AFF1: variants seen among roughly 807,000 people sequenced by gnomAD.
AFF1 encodes ALF transcription elongation factor 1, also known as AF4/FMR2 family member 1.
In AFF1, 48 loss-of-function variants were observed where a neutral mutation model predicts 121.7. That is an observed-to-expected ratio of 0.39 (90% CI 0.31 to 0.50). AFF1 has a LOEUF of 0.50. Among genes scored for constraint, AFF1 ranks in the 20% least tolerant of loss-of-function variants. AFF1 has a pLI of 0.76. For missense variants in AFF1, 1,523 were observed against 1,511.7 expected (o/e 1.01, Z -0.12); for synonymous variants, 613 against 563.0 (o/e 1.09, Z -1.26).
At chr4:86,960,577 C>CT (rs1722078211) in intron 2 of AFF1, among the ~76,000 whole-genome samples, 1 of 152,170 alleles carries the variant, frequency 6.6e-6, no homozygotes, top group Non-Finnish European at 1.5e-5. Flanking sequence ...AGTTACAAGG[C>CT]TTTGAGTATG....
At position 87,091,890 on chromosome 4, in the gene AFF1, C is replaced by T. The variant is rs374179293; in HGVS notation, c.1228+61C>T. 2.1e-4 allele frequency: 266 copies of T among 1,261,018 alleles called. 4 individuals are homozygous for T. In the South Asian group the frequency reaches 2.7e-3, roughly 13 times the overall value. The allele number at this position is 1,261,018 out of a possible 1,614,324, so 78.1% of individuals were successfully genotyped here. ...ACAAAGCATAGCTTTTACTGTTTAA[C>T]GTAAAAACATTAGTAAAAAATGCCC... is the stretch of plus-strand genomic sequence containing the variant. On this transcript the variant is annotated intron_variant, in intron 7 of 20. Coordinates refer to ENST00000395146, the MANE Select transcript of AFF1 (RefSeq NM_001166693.3).
Position 87,114,976 on chromosome 4 carries a change from G to C in AFF1, c.2143G>C (p.Glu715Gln). 6.2e-7 allele frequency: 1 copy of C among 1,613,664 alleles called. No individual in the cohort carries two copies. The highest frequency in any genetic ancestry group is 8.5e-7 in the Non-Finnish European group (1 of 1,179,770). The change falls in exon 12 of 21, where the codon GAG becomes CAG. Residue 715 changes from glutamate (E) to glutamine (Q), a missense_variant. Transcript: ENST00000395146. Reference protein sequence around the residue: ...PEHFALVPLTESQGPPHSGSG... With the variant: ...PEHFALVPLTQSQGPPHSGSG... Reference sequence around the variant, plus strand: ...GCACTTTGCTCTTGTTCCCCTGACTGAGAGCCAGGGCCCACCCCACAGTGG... The same window carrying C: ...GCACTTTGCTCTTGTTCCCCTGACTCAGAGCCAGGGCCCACCCCACAGTGG...
At chr4:87,007,700 G>T (rs1726308205) in intron 2 of AFF1, among the ~76,000 whole-genome samples, 1 of 152,166 alleles carries the variant, frequency 6.6e-6, no homozygotes, top group South Asian at 2.1e-4. Flanking sequence ...TATTTTCCGG[G>T]ACATTAAGTT....
chr4:86,949,842 C>A, intron 2 of AFF1: 1 of 1,613,846 alleles, frequency 6.2e-7, no homozygotes, highest in Non-Finnish European at 8.5e-7. Flanking sequence ...GACCCCACCT[C>A]GTAGGTGTAG....
rs1483725320 is a variant in AFF1 at position 87,138,612 on chromosome 4, G to A, written c.*2911G>A. 4.3e-6 allele frequency: 1 copy of A among 230,784 alleles called. No individual in the cohort carries two copies. The highest frequency in any genetic ancestry group is 2.2e-5 in the African/African-American group (1 of 44,868). The allele number at this position is 230,784 out of a possible 1,614,324, so 14.3% of individuals were successfully genotyped here. A position where few individuals can be genotyped will look rare whatever the true frequency, so the allele number is the denominator to read the frequency against. On this transcript the variant is annotated 3_prime_UTR_variant, in exon 21 of 21. Coordinates refer to ENST00000395146, the MANE Select transcript of AFF1 (RefSeq NM_001166693.3). ...GTGAATTATTGAATTTAAGAGCCCT[G>A]CTAAATAATGAAAAAACACTTTACT...
At chr4:87,094,393 A>G (rs1208881525) in intron 7 of AFF1, among the ~76,000 whole-genome samples, 1 of 152,188 alleles carries the variant, frequency 6.6e-6, no homozygotes, top group African/African-American at 2.4e-5. Context: ...CTCTCTGAGG[A>G]CAGGGCCAAA....
intron 4 of AFF1, among the ~76,000 whole-genome samples, chr4:87,075,330 A>G (rs1320656437): frequency 6.6e-6 from 1 of 152,176 alleles, no homozygotes; most frequent in Non-Finnish European, 1.5e-5. Context: ...AAAAAATCAA[A>G]TATATAAATA....
At chr4:86,948,113 G>A (rs573283857) in intron 1 of AFF1, among the ~76,000 whole-genome samples, 4 of 152,008 alleles carry the variant, frequency 2.6e-5, no homozygotes, top group African/African-American at 7.2e-5. Context: ...TGGGATATTA[G>A]TATCTGCCTT....
rs745817386 is a variant in AFF1, at chr4:87,114,542, C to T, written c.1709C>T (p.Pro570Leu). The T allele has an allele frequency of 6.2e-6, 10 of 1,611,860 alleles. No individual in the cohort carries two copies. Among genetic ancestry groups the T allele is most frequent in the Non-Finnish European group, 4.2e-6 (5 of 1,179,280 alleles). ...GAGCATTCTGAATCCAAAGATCCTC[C>T]CCCTAAAAGCTCCAGCAAAGCCCCC... ...SQEHSESKDPPPKSSSKAPRA... is the reference protein window; with the variant it reads ...SQEHSESKDPLPKSSSKAPRA... Residue 570 changes from proline (P) to leucine (L), a missense_variant, in exon 12 of 21, where the codon CCC (proline) becomes CTC (leucine). Pro to Leu is a moderately conservative substitution (Grantham distance 98). Transcript: ENST00000395146.
At chr4:87,097,289 C>T (rs550696416) in intron 8 of AFF1, among the ~76,000 whole-genome samples, 4 of 152,168 alleles carry the variant, frequency 2.6e-5, no homozygotes, top group African/African-American at 9.6e-5. Context: ...CTGTGTCTCT[C>T]GCCTGTGGAT....
In AFF1 at chr4:87,115,609, C is replaced by CTTTTTTTT. The variant is rs71660115; in HGVS notation, c.2466+319_2466+326dup. 1.4e-3 allele frequency among the ~76,000 whole-genome samples: 57 copies of CTTTTTTTT among 40,660 alleles called. 13 individuals are homozygous for CTTTTTTTT. Among genetic ancestry groups the CTTTTTTTT allele is most frequent in the African/African-American group, 2.3e-3 (28 of 12,392 alleles). The allele number at this position is 40,660 out of a possible 152,430, so 26.7% of individuals were successfully genotyped here. On this transcript the variant is annotated intron_variant, in intron 12 of 20. Coordinates refer to ENST00000395146, the MANE Select transcript of AFF1 (RefSeq NM_001166693.3). Reference sequence around the variant, plus strand: ...ATCTAGGGCCGCCCCCAACCCACCTCTTTTTTTTTTTTTTTTCCAAAGACA... The same window carrying CTTTTTTTT: ...ATCTAGGGCCGCCCCCAACCCACCTCTTTTTTTTTTTTTTTTTTTTTTTTCCAAAGACA...
At chr4:86,997,352 C>T (rs1447276775) in intron 2 of AFF1, among the ~76,000 whole-genome samples, 1 of 152,214 alleles carries the variant, frequency 6.6e-6, no homozygotes, top group Non-Finnish European at 1.5e-5. Flanking sequence ...CTGTGGACTT[C>T]CCAGCCTCCA....
intron 11 of AFF1, among the ~76,000 whole-genome samples, chr4:87,110,426 G>A (rs1442425088): frequency 6.8e-6 from 1 of 147,128 alleles, no homozygotes; most frequent in Non-Finnish European, 1.5e-5. Flanking sequence ...GCAAATACTA[G>A]ATCTTGTTCT....
chr4:87,031,453 C>CT (rs1729080019), intron 2 of AFF1, among the ~76,000 whole-genome samples: 1 of 132,512 alleles, frequency 7.5e-6, no homozygotes, highest in Admixed American at 7.3e-5. Context: ...TTTTTTTTTT[C>CT]TTTTGTTCCT....
At chr4:87,002,424 AGT>A (rs1491133206) in intron 2 of AFF1, among the ~76,000 whole-genome samples, 2 of 108,496 alleles carry the variant, frequency 1.8e-5, no homozygotes, top group Non-Finnish European at 3.7e-5. Context: ...AGGGCAATGA[AGT>A]TTTTTTTTTT....
At chr4:86,954,501 T>G (rs1484162905) in intron 2 of AFF1, among the ~76,000 whole-genome samples, 1 of 152,156 alleles carries the variant, frequency 6.6e-6, no homozygotes, top group African/African-American at 2.4e-5. Context: ...GTGGGCAGAC[T>G]GCTTGAGTCC....
At chr4:87,074,810 C>A (rs541444509) in intron 4 of AFF1, among the ~76,000 whole-genome samples, 2 of 152,294 alleles carry the variant, frequency 1.3e-5, no homozygotes, top group South Asian at 4.1e-4. Flanking sequence ...ATCAGTGAAT[C>A]CAGCATTGTT....
intron 12 of AFF1, among the ~76,000 whole-genome samples, chr4:87,123,111 C>T (rs1423733491): frequency 6.6e-6 from 1 of 152,108 alleles, no homozygotes; most frequent in Non-Finnish European, 1.5e-5. Flanking sequence ...CCAGACTGGT[C>T]TTGAACTCCT....
chr4:87,012,411 A>G (rs1056039534), intron 2 of AFF1, among the ~76,000 whole-genome samples: 1 of 152,122 alleles, frequency 6.6e-6, no homozygotes, highest in Non-Finnish European at 1.5e-5. Flanking sequence ...TCTTGGAGAC[A>G]TGCTTCTTGG....
Sources: gnomAD v4.1 joint callset for allele counts (sites outside exome capture counted in the v4.1 genomes callset) on GRCh38, gnomAD v4.1.1 for gene constraint, MANE v1.5 for transcripts, NCBI Gene and HGNC (gene_info 2026-07-23, HGNC 2026-07-21) for gene names.